The following ENTREP2 variants were observed in gnomAD, a reference collection of about 807,000 sequenced individuals.
ENTREP2 encodes the protein endosomal transmembrane epsin interactor 2.
the ENTREP2 span, among the ~76,000 whole-genome samples, chr15:29,351,927 C>G: frequency 6.6e-6 from 1 of 152,084 alleles, no homozygotes; most frequent in Non-Finnish European, 1.5e-5. Flanking sequence ...GCACGAGCCA[C>G]CACGTCCAAC....
the ENTREP2 span, among the ~76,000 whole-genome samples, chr15:29,351,773 T>A: frequency 1.3e-5 from 2 of 151,448 alleles, no homozygotes; most frequent in Admixed American, 6.6e-5. Flanking sequence ...CCTCCCAAGT[T>A]GCTGGCACTA....
At chr15:29,411,916 T>C in the ENTREP2 span, among the ~76,000 whole-genome samples, 4 of 152,206 alleles carry the variant, frequency 2.6e-5, no homozygotes, top group Admixed American at 1.3e-4. Flanking sequence ...TGCTTCAGGC[T>C]CTATCTTATG....
chr15:29,207,946 A>G, the ENTREP2 span, among the ~76,000 whole-genome samples: 2 of 152,282 alleles, frequency 1.3e-5, 1 homozygote. Context: ...GAATGCAGCC[A>G]TCAGTGGGGG....
At chr15:29,132,205 C>T in the ENTREP2 span, among the ~76,000 whole-genome samples, 18 of 152,322 alleles carry the variant, frequency 1.2e-4, no homozygotes, top group African/African-American at 4.1e-4. Flanking sequence ...GCTGCGGGGT[C>T]GTGCTGTGAA....
the ENTREP2 span, among the ~76,000 whole-genome samples, chr15:29,389,728 T>C: frequency 6.6e-6 from 1 of 152,118 alleles, no homozygotes; most frequent in Non-Finnish European, 1.5e-5. Flanking sequence ...AAGTCCCTTC[T>C]CCAGCCACAT....
At chr15:29,164,346 A>G in the ENTREP2 span, among the ~76,000 whole-genome samples, 5 of 152,328 alleles carry the variant, frequency 3.3e-5, no homozygotes, top group East Asian at 1.9e-4. Flanking sequence ...CTCAATTCCA[A>G]CATTGAATGT....
chr15:29,621,980 C>T, the ENTREP2 span, among the ~76,000 whole-genome samples: 19 of 152,018 alleles, frequency 1.2e-4, no homozygotes, highest in South Asian at 2.1e-4. Context: ...ACAAATACCG[C>T]GTTATTCCAC....
chr15:29,310,553 T>C, the ENTREP2 span, among the ~76,000 whole-genome samples: 1 of 152,114 alleles, frequency 6.6e-6, no homozygotes. Flanking sequence ...AACATCCATG[T>C]CTGAAATGGA....
the ENTREP2 span, among the ~76,000 whole-genome samples, chr15:29,629,532 T>C: frequency 1.3e-5 from 2 of 152,232 alleles, no homozygotes; most frequent in Non-Finnish European, 2.9e-5. Context: ...TCTACTAGTA[T>C]TGACATTTAC....
the ENTREP2 span, chr15:29,128,939 C>T: frequency 7.6e-5 from 75 of 984,112 alleles, no homozygotes; most frequent in Middle Eastern, 1.0e-3. Context: ...GTAGTGTAGG[C>T]GCTTAAACTT....
At chr15:29,624,905 GTGTA>G in the ENTREP2 span, among the ~76,000 whole-genome samples, 4 of 149,440 alleles carry the variant, frequency 2.7e-5, no homozygotes, top group African/African-American at 1.0e-4. Flanking sequence ...GTGTGTGTGT[GTGTA>G]TAGTTTTATG....
chr15:29,673,151 T>TA, the ENTREP2 span, among the ~76,000 whole-genome samples: 13 of 152,146 alleles, frequency 8.5e-5, no homozygotes, highest in African/African-American at 3.1e-4. Flanking sequence ...ACATTATAAT[T>TA]AGAGTATAAT....
the ENTREP2 span, among the ~76,000 whole-genome samples, chr15:29,207,726 C>T: frequency 1.3e-5 from 2 of 152,286 alleles, no homozygotes; most frequent in African/African-American, 4.8e-5. Flanking sequence ...CCCAGGAAGT[C>T]CAGCTGGCTT....
chr15:29,478,021 T>TATA, the ENTREP2 span, among the ~76,000 whole-genome samples: 8 of 92,486 alleles, frequency 8.6e-5, no homozygotes, highest in African/African-American at 2.3e-4. Context: ...ATATATATAT[T>TATA]TTTTTTTTTT....
At chr15:29,205,311 C>T in the ENTREP2 span, among the ~76,000 whole-genome samples, 1 of 152,170 alleles carries the variant, frequency 6.6e-6, no homozygotes, top group Non-Finnish European at 1.5e-5. Flanking sequence ...TGAGTCCCTG[C>T]TTTCAATTAT....
the ENTREP2 span, among the ~76,000 whole-genome samples, chr15:29,199,641 T>C: frequency 6.6e-6 from 1 of 152,336 alleles, no homozygotes; most frequent in African/African-American, 2.4e-5. Flanking sequence ...ATATAGTACA[T>C]GGTTTTGTTA....
At chr15:29,579,245 T>C in the ENTREP2 span, among the ~76,000 whole-genome samples, 187 of 152,340 alleles carry the variant, frequency 1.2e-3, no homozygotes, top group Non-Finnish European at 2.5e-3. Flanking sequence ...TGCTTGTGGA[T>C]AAATGGAAAG....
At chr15:29,158,449 A>C in the ENTREP2 span, among the ~76,000 whole-genome samples, 1 of 136,704 alleles carries the variant, frequency 7.3e-6, no homozygotes. Context: ...TCTTTCGCCC[A>C]GGCTGGAGTG....
the ENTREP2 span, chr15:29,122,308 A>G: frequency 6.6e-6 from 1 of 152,216 alleles, no homozygotes; most frequent in South Asian, 2.1e-4. Context: ...CTGCTTCTCC[A>G]TAAGCAGCAC....
Sources: allele counts gnomAD v4.1 joint callset (sites outside exome capture counted in the v4.1 genomes callset), GRCh38; gene constraint gnomAD v4.1.1; transcripts MANE v1.5; gene names NCBI Gene and HGNC (gene_info 2026-07-23, HGNC 2026-07-21).